The following RTL4 variants were observed in gnomAD, a reference collection of about 807,000 sequenced individuals.
The protein encoded by RTL4 is retrotransposon Gag like 4, also known as retrotransposon Gag-like protein 4.
In RTL4, 4 loss-of-function variants were observed where a neutral mutation model predicts 5.3. The observed-to-expected ratio is 0.75, with a 90% CI of 0.37 to 1.72. The LOEUF is 1.72. Ranked by LOEUF, RTL4 falls within the 40% of genes most tolerant of loss-of-function variation. The probability of loss-of-function intolerance (pLI) is 0.04; values close to 1 mark genes in which losing one functional copy is unlikely to be tolerated. For missense variants in RTL4, 260 were observed against 227.1 expected (o/e 1.14, Z -0.93); for synonymous variants, 98 against 87.3 (o/e 1.12, Z -0.68).
chrX:112,425,414 TAA>T, the RTL4 span, among the ~76,000 whole-genome samples: 2 of 111,354 alleles, frequency 1.8e-5, no homozygotes, highest in African/African-American at 6.5e-5. Flanking sequence ...TGTAAGGACT[TAA>T]GTTTTCAATT....
the RTL4 span, among the ~76,000 whole-genome samples, chrX:112,430,030 C>T: frequency 9.0e-6 from 1 of 110,784 alleles, no homozygotes; most frequent in Non-Finnish European, 1.9e-5. Context: ...TATTTTCTGG[C>T]GTTTATCATG....
At chrX:112,251,648 G>A in the RTL4 span, among the ~76,000 whole-genome samples, 1 of 111,237 alleles carries the variant, frequency 9.0e-6, no homozygotes, top group Non-Finnish European at 1.9e-5. Flanking sequence ...GTGTGTGTGT[G>A]TGAGCATGCA....
chrX:112,262,029 T>C, the RTL4 span, among the ~76,000 whole-genome samples: 1 of 111,715 alleles, frequency 9.0e-6, no homozygotes, highest in South Asian at 3.7e-4. Context: ...TTACACCTTA[T>C]ACAAAAATTA....
At chrX:112,211,037 T>C in the RTL4 span, among the ~76,000 whole-genome samples, 1 of 112,258 alleles carries the variant, frequency 8.9e-6, no homozygotes, top group Non-Finnish European at 1.9e-5. Flanking sequence ...AGTAAAGCAG[T>C]GGAGCTGAGA....
chrX:112,328,164 T>A, the RTL4 span, among the ~76,000 whole-genome samples: 1 of 109,095 alleles, frequency 9.2e-6, no homozygotes, highest in South Asian at 4.0e-4. Flanking sequence ...CAATATTAAT[T>A]TTAAATGTAA....
chrX:112,352,766 CAT>C, the RTL4 span, among the ~76,000 whole-genome samples: 3 of 111,565 alleles, frequency 2.7e-5, no homozygotes, highest in South Asian at 1.1e-3. Context: ...AGGACATAGG[CAT>C]GGGCAAGGAC....
chrX:112,344,862 C>T, the RTL4 span, among the ~76,000 whole-genome samples: 1 of 111,455 alleles, frequency 9.0e-6, no homozygotes, highest in Non-Finnish European at 1.9e-5. Context: ...GCTGGGGAGG[C>T]CTCACGATCA....
the RTL4 span, among the ~76,000 whole-genome samples, chrX:112,188,338 T>C: frequency 9.0e-6 from 1 of 111,648 alleles, no homozygotes; most frequent in African/African-American, 3.3e-5. Context: ...CATTGCCTCC[T>C]CAGCAATGTT....
the RTL4 span, among the ~76,000 whole-genome samples, chrX:112,274,546 G>A: frequency 1.8e-5 from 2 of 111,752 alleles, no homozygotes; most frequent in Non-Finnish European, 3.8e-5. Flanking sequence ...AAACAAGTAC[G>A]AAAGCAAGAA....
the RTL4 span, among the ~76,000 whole-genome samples, chrX:112,362,740 C>T: frequency 2.3e-4 from 26 of 110,841 alleles, no homozygotes; most frequent in Non-Finnish European, 4.4e-4. Flanking sequence ...CTATTACAGT[C>T]CCCTTCCCAA....
chrX:112,227,043 T>G, the RTL4 span, among the ~76,000 whole-genome samples: 1 of 109,588 alleles, frequency 9.1e-6, no homozygotes, highest in African/African-American at 3.4e-5. Flanking sequence ...GCCGATAGTA[T>G]AGCTTTCCCC....
At chrX:112,432,021 A>G in the RTL4 span, among the ~76,000 whole-genome samples, 1 of 104,435 alleles carries the variant, frequency 9.6e-6, no homozygotes, top group Non-Finnish European at 2.0e-5. Flanking sequence ...GAGAATGATG[A>G]TTTCCAATTT....
the RTL4 span, among the ~76,000 whole-genome samples, chrX:112,254,445 T>C: frequency 9.1e-6 from 1 of 110,238 alleles, no homozygotes; most frequent in Non-Finnish European, 1.9e-5. Context: ...TTCTCCTGCC[T>C]CAGCCTTCTG....
chrX:112,368,856 G>C, the RTL4 span, among the ~76,000 whole-genome samples: 1 of 112,251 alleles, frequency 8.9e-6, no homozygotes, highest in African/African-American at 3.2e-5. Context: ...ATTGATAAAT[G>C]AGGTATTATT....
the RTL4 span, among the ~76,000 whole-genome samples, chrX:112,133,576 A>G: frequency 9.0e-6 from 1 of 111,697 alleles, no homozygotes; most frequent in African/African-American, 3.2e-5. Context: ...CAAGAGAGCA[A>G]CACACTAATA....
the RTL4 span, among the ~76,000 whole-genome samples, chrX:112,285,686 A>G: frequency 9.0e-6 from 1 of 111,302 alleles, no homozygotes; most frequent in African/African-American, 3.3e-5. Flanking sequence ...GTATACTCCT[A>G]TCTAGCTTAT....
the RTL4 span, among the ~76,000 whole-genome samples, chrX:112,109,830 G>A: frequency 1.8e-5 from 2 of 111,441 alleles, no homozygotes; most frequent in African/African-American, 3.3e-5. Flanking sequence ...TGCTGGATAG[G>A]GGCGAAGAAG....
chrX:112,095,533 A>T, the RTL4 span, among the ~76,000 whole-genome samples: 1 of 111,658 alleles, frequency 9.0e-6, no homozygotes, highest in Non-Finnish European at 1.9e-5. Context: ...TGGATCATTG[A>T]ATCCAATACC....
At chrX:112,351,662 C>A in the RTL4 span, among the ~76,000 whole-genome samples, 1 of 109,076 alleles carries the variant, frequency 9.2e-6, no homozygotes, top group Admixed American at 9.8e-5. Context: ...GGTTTAAAGT[C>A]TGTTTTATCA....
Sources: allele counts gnomAD v4.1 joint callset (sites outside exome capture counted in the v4.1 genomes callset), GRCh38; gene constraint gnomAD v4.1.1; transcripts MANE v1.5; gene names NCBI Gene and HGNC (gene_info 2026-07-23, HGNC 2026-07-21).